SETBP1: variants seen among roughly 807,000 people sequenced by gnomAD.
The protein encoded by SETBP1 is SET-binding protein.
SETBP1 carries 9 observed loss-of-function variants against 101.0 expected under a neutral mutation model. The observed-to-expected ratio is 0.09, with a 90% CI of 0.05 to 0.16. SETBP1 has a LOEUF of 0.16. Ranked by LOEUF, SETBP1 falls within the 10% of genes least tolerant of loss-of-function variation. The pLI is 1.00. For missense variants in SETBP1, 1,858 were observed against 2,033.8 expected, an observed-to-expected ratio of 0.91 and a Z score of 1.66; for synonymous variants, 818 against 788.5, an observed-to-expected ratio of 1.04 and a Z score of -0.63.
intron 2 of SETBP1, among the ~76,000 whole-genome samples, chr18:44,761,988 G>A (rs1433007644): frequency 6.6e-6 from 1 of 152,134 alleles, no homozygotes; most frequent in Non-Finnish European, 1.5e-5. Flanking sequence ...TGGCCCCATT[G>A]TTGTACCCTG....
At chr18:44,818,180 G>A (rs903098335) in intron 2 of SETBP1, among the ~76,000 whole-genome samples, 10 of 152,176 alleles carry the variant, frequency 6.6e-5, no homozygotes, top group Admixed American at 2.0e-4. Context: ...TGCACTCTCT[G>A]TTAGTCTGTG....
At chr18:44,697,904 G>A (rs2069046753) in intron 1 of SETBP1, among the ~76,000 whole-genome samples, 1 of 152,192 alleles carries the variant, frequency 6.6e-6, no homozygotes, top group African/African-American at 2.4e-5. Context: ...AACATTTGGG[G>A]AACACCAATT....
chr18:44,709,471 G>T (rs999646883), intron 2 of SETBP1, among the ~76,000 whole-genome samples: 1 of 152,214 alleles, frequency 6.6e-6, no homozygotes, highest in Non-Finnish European at 1.5e-5. Context: ...TCTTAGGCAA[G>T]ACTTAACCTC....
chr18:45,029,474 A>G (rs1323018346), intron 4 of SETBP1, among the ~76,000 whole-genome samples: 2 of 152,214 alleles, frequency 1.3e-5, no homozygotes, highest in Non-Finnish European at 2.9e-5. Flanking sequence ...CTTTTGGCTT[A>G]GGATTGACTT....
intron 2 of SETBP1, among the ~76,000 whole-genome samples, chr18:44,706,524 G>C (rs2144235021): frequency 7.2e-6 from 1 of 139,528 alleles, no homozygotes; most frequent in African/African-American, 2.7e-5. Context: ...AGAGGTGGAG[G>C]TTGCAGTGAG....
At chr18:44,981,044 T>A (rs927069625) in intron 4 of SETBP1, among the ~76,000 whole-genome samples, 2 of 152,216 alleles carry the variant, frequency 1.3e-5, no homozygotes, top group Non-Finnish European at 2.9e-5. Context: ...TTGTTTGAAA[T>A]GCAAATTCTC....
At chr18:44,977,497 T>C (rs1161729779) in intron 4 of SETBP1, among the ~76,000 whole-genome samples, 2 of 152,256 alleles carry the variant, frequency 1.3e-5, no homozygotes, top group Non-Finnish European at 1.5e-5. Context: ...AATTGGATTG[T>C]GAATAAAATG....
At chr18:45,013,206 C>T (rs1199459873) in intron 4 of SETBP1, among the ~76,000 whole-genome samples, 1 of 152,216 alleles carries the variant, frequency 6.6e-6, no homozygotes, top group Non-Finnish European at 1.5e-5. Context: ...GCTGAGATAA[C>T]ATGGGGGGAC....
chr18:44,925,007 G>GTTTTGTTTTTTTTTTT lies in SETBP1; in HGVS notation c.541-24870_541-24869insGTTTTTTTTTTTTTTT, dbSNP rs1555700996. Among the ~76,000 whole-genome samples the GTTTTGTTTTTTTTTTT allele has an allele frequency of 4.4e-5, 2 of 45,970 alleles. 1 individual carries two copies. Among genetic ancestry groups the GTTTTGTTTTTTTTTTT allele is most frequent in the African/African-American group, 1.8e-4 (2 of 11,122 alleles). 30.2% of individuals were successfully genotyped at this position (45,970 alleles called of 152,430 possible). On this transcript the variant is annotated intron_variant, in intron 3 of 5. Transcript: ENST00000649279. ...CTTTTTCCTTCTTGATCCTGTGTGA[G>GTTTTGTTTTTTTTTTT]TTTTTTTTTTTTTTTTTTTTTTTTT...
chr18:44,838,326 A>AGT (rs1374034510), intron 2 of SETBP1, among the ~76,000 whole-genome samples: 2 of 152,172 alleles, frequency 1.3e-5, no homozygotes, highest in East Asian at 3.8e-4. Flanking sequence ...CACCCTGCGC[A>AGT]GTGTCTTCTT....
At chr18:45,039,294 G>A (rs994600399) in intron 5 of SETBP1, among the ~76,000 whole-genome samples, 1 of 152,092 alleles carries the variant, frequency 6.6e-6, no homozygotes, top group Non-Finnish European at 1.5e-5. Flanking sequence ...CCACAGCCTG[G>A]TCCTTTCCAC....
At chr18:44,724,727 G>A (rs1361632292) in intron 2 of SETBP1, among the ~76,000 whole-genome samples, 1 of 152,126 alleles carries the variant, frequency 6.6e-6, no homozygotes, top group Non-Finnish European at 1.5e-5. Flanking sequence ...TAAAGGACAG[G>A]GGTTAGCAGC....
intron 4 of SETBP1, among the ~76,000 whole-genome samples, chr18:45,010,089 C>G (rs142596368): frequency 2.0e-5 from 3 of 152,260 alleles, no homozygotes; most frequent in Non-Finnish European, 4.4e-5. Context: ...GTGCACCATG[C>G]CCCTTTACTC....
intron 4 of SETBP1, among the ~76,000 whole-genome samples, chr18:45,022,402 A>C (rs1017028784): frequency 2.6e-5 from 4 of 152,150 alleles, no homozygotes; most frequent in African/African-American, 9.7e-5. Flanking sequence ...CTTTCAGTGA[A>C]TGCTTCCAAA....
chr18:45,021,003 C>T (rs551925598), intron 4 of SETBP1, among the ~76,000 whole-genome samples: 82 of 152,286 alleles, frequency 5.4e-4, no homozygotes, highest in African/African-American at 2.0e-3. Context: ...CATCACTGCC[C>T]TTTCTTGGTT....
chr18:44,996,018 G>C (rs1391401658), intron 4 of SETBP1, among the ~76,000 whole-genome samples: 1 of 152,104 alleles, frequency 6.6e-6, no homozygotes, highest in Non-Finnish European at 1.5e-5. Context: ...TACCAACTTT[G>C]AGAAATCAAA....
intron 2 of SETBP1, among the ~76,000 whole-genome samples, chr18:44,788,790 A>ATTTTT (rs34929410): frequency 1.2e-4 from 10 of 80,416 alleles, no homozygotes; most frequent in East Asian, 3.6e-4. Flanking sequence ...TTCCTTTTTA[A>ATTTTT]TTTTTTTTTT....
At position 44,952,268 on chromosome 18, in the gene SETBP1, C is replaced by T. The variant is rs1316784442; in HGVS notation, c.2928C>T (p.Phe976=). The change falls in exon 4 of 6, where the codon TTC becomes TTT. Residue 976 remains phenylalanine, a synonymous_variant. Coordinates refer to ENST00000649279, the MANE Select transcript of SETBP1 (RefSeq NM_015559.3). The part of the protein sequence containing the change: ...VFRISHRSYT[F]YHENPYPSIF... The stretch of plus-strand genomic sequence containing the variant: ...GAATCTCCCACCGGAGTTACACCTT[C>T]TACCACGAGAATCCATATCCCAGCA... 6.2e-7 allele frequency: 1 copy of T among 1,614,182 alleles called. No individual in the cohort carries two copies. The highest frequency in any genetic ancestry group is 8.5e-7 in the Non-Finnish European group (1 of 1,180,036).
chr18:44,968,059 G>A (rs2071758817), intron 4 of SETBP1, among the ~76,000 whole-genome samples: 1 of 152,140 alleles, frequency 6.6e-6, no homozygotes, highest in African/African-American at 2.4e-5. Flanking sequence ...TTGCTCAGCA[G>A]GATGGTAAAG....
Sources: allele counts gnomAD v4.1 joint callset (sites outside exome capture counted in the v4.1 genomes callset), GRCh38; gene constraint gnomAD v4.1.1; transcripts MANE v1.5; gene names NCBI Gene and HGNC (gene_info 2026-07-23, HGNC 2026-07-21).